STIM2: variants seen among roughly 807,000 people sequenced by gnomAD.
The protein encoded by STIM2 is stromal interaction molecule 2.
A neutral mutation model predicts 85.8 loss-of-function variants in STIM2; 31 were observed. The ratio of observed to expected loss-of-function variants is 0.36; its 90% CI spans 0.27 to 0.49. STIM2 has a LOEUF of 0.49. Ranked by LOEUF, STIM2 falls within the 20% of genes least tolerant of loss-of-function variation. The pLI is 0.98. For missense variants in STIM2, 841 were observed against 927.6 expected (o/e 0.91, Z 1.21); for synonymous variants, 356 against 331.1 (o/e 1.08, Z -0.82).
chr4:27,007,593 C>T lies in STIM2; in HGVS notation c.1042C>T (p.Pro348Ser), dbSNP rs778812591. ...TGAACTGAGAAGCAGTTGGTCTGTT[C>T]CAGATGCACTTCAGAAATGGCTTCA... Residue 348 changes from proline (P) to serine (S), a missense_variant, in exon 8 of 12, where the codon CCA becomes TCA. Pro to Ser is a moderately conservative substitution (Grantham distance 74). This residue lies in a region of STIM2 where 408 missense variants were observed against 525.4 expected (regional missense o/e 0.78). Coordinates refer to ENST00000467087, the MANE Select transcript of STIM2 (RefSeq NM_020860.4). The T allele has an allele frequency of 6.2e-7, 1 of 1,606,778 alleles. No homozygotes were observed. The highest frequency in any genetic ancestry group is 8.5e-7 in the Non-Finnish European group (1 of 1,177,192).
intron 1 of STIM2, among the ~76,000 whole-genome samples, chr4:26,879,943 C>A (rs1722942209): frequency 6.6e-6 from 1 of 152,184 alleles, no homozygotes; most frequent in Non-Finnish European, 1.5e-5. Context: ...GTCTGGGCTA[C>A]CATTCCCTCT....
chr4:27,007,020 A>G (rs891241303), intron 7 of STIM2, among the ~76,000 whole-genome samples: 1 of 152,248 alleles, frequency 6.6e-6, no homozygotes, highest in Non-Finnish European at 1.5e-5. Context: ...AAGTGAGTAT[A>G]TAGTGAAGGA....
intron 1 of STIM2, among the ~76,000 whole-genome samples, chr4:26,880,381 C>T (rs181579345): frequency 1.3e-4 from 19 of 151,976 alleles, no homozygotes; most frequent in Middle Eastern, 6.8e-3. Context: ...TAAACATACA[C>T]GGTATTTTGT....
At chr4:27,010,996 TA>T (rs1157937066) in intron 10 of STIM2, among the ~76,000 whole-genome samples, 1 of 152,150 alleles carries the variant, frequency 6.6e-6, no homozygotes, top group Non-Finnish European at 1.5e-5. Context: ...CACACACACT[TA>T]AAGTGACTGA....
At position 27,008,425 on chromosome 4, in the gene STIM2, T is replaced by C; in HGVS notation, c.1150-3T>C. On this transcript the variant is annotated splice_polypyrimidine_tract_variant and splice_region_variant and intron_variant, in intron 8 of 11. Transcript: ENST00000467087. ...GCCTTATTTAGTCCTTTTCGGTTTCTAGGCAGAAAAAATTAAAAAGAAGAG... is the reference window on the plus strand; with the variant it reads ...GCCTTATTTAGTCCTTTTCGGTTTCCAGGCAGAAAAAATTAAAAAGAAGAG... 1 of 1,574,742 alleles carries C rather than the reference T, an allele frequency of 6.4e-7. No individual in the cohort carries two copies. The highest frequency in any genetic ancestry group is 8.6e-7 in the Non-Finnish European group (1 of 1,163,548).
chr4:26,874,009 C>T, intron 1 of STIM2: 1 of 796,110 alleles, frequency 1.3e-6, no homozygotes, highest in Non-Finnish European at 2.2e-6. Flanking sequence ...TCCTGGCCTT[C>T]ACCTGAGTCT....
intron 3 of STIM2, among the ~76,000 whole-genome samples, chr4:26,986,167 A>G (rs1238524691): frequency 6.6e-6 from 1 of 152,196 alleles, no homozygotes; most frequent in Non-Finnish European, 1.5e-5. Context: ...ATAATATTAC[A>G]TCTGATACCT....
intron 3 of STIM2, among the ~76,000 whole-genome samples, chr4:26,970,630 A>T (rs1726910657): frequency 6.6e-6 from 1 of 152,032 alleles, no homozygotes; most frequent in African/African-American, 2.4e-5. Context: ...ACATTTTCTT[A>T]ATTCAGTCTA....
At chr4:26,944,419 A>T (rs757865381) in intron 2 of STIM2, among the ~76,000 whole-genome samples, 1 of 152,146 alleles carries the variant, frequency 6.6e-6, no homozygotes. Context: ...CTCACATGCT[A>T]GGAAGTATGC....
rs1265406826 is a variant in STIM2, at chr4:27,023,238, T to A, written c.*242T>A. The A allele has an allele frequency of 8.3e-6, 4 of 479,648 alleles. No homozygotes were observed. Among genetic ancestry groups the A allele is most frequent in the Non-Finnish European group, 7.5e-6 (2 of 267,468 alleles). 29.7% of individuals were successfully genotyped at this position (479,648 alleles called of 1,614,324 possible). Reference sequence around the variant, plus strand: ...GAAAAATCATTGAAATGAGACAGTTTACAGTCATTTCTGCCTATTTATTTC... The same window carrying A: ...GAAAAATCATTGAAATGAGACAGTTAACAGTCATTTCTGCCTATTTATTTC... On this transcript the variant is annotated 3_prime_UTR_variant, in exon 12 of 12. Coordinates refer to ENST00000467087, the MANE Select transcript of STIM2 (RefSeq NM_020860.4).
At chr4:26,929,230 A>G (rs1235384337) in intron 2 of STIM2, among the ~76,000 whole-genome samples, 1 of 152,206 alleles carries the variant, frequency 6.6e-6, no homozygotes, top group Non-Finnish European at 1.5e-5. Context: ...AGAAAACAAA[A>G]TTATGTATGT....
intron 1 of STIM2, among the ~76,000 whole-genome samples, chr4:26,880,157 T>C (rs540220170): frequency 6.6e-6 from 1 of 152,338 alleles, no homozygotes; most frequent in South Asian, 2.1e-4. Flanking sequence ...CATCTGTTTT[T>C]ACCATTTCCA....
intron 10 of STIM2, among the ~76,000 whole-genome samples, chr4:27,015,208 T>C (rs1409199629): frequency 6.6e-6 from 1 of 152,026 alleles, no homozygotes; most frequent in Non-Finnish European, 1.5e-5. Context: ...TGGTTTCTGT[T>C]TTTCACACCT....
intron 3 of STIM2, among the ~76,000 whole-genome samples, chr4:26,961,856 C>T (rs990281452): frequency 1.3e-4 from 20 of 152,056 alleles, no homozygotes; most frequent in African/African-American, 4.6e-4. Flanking sequence ...CCTCAAATTC[C>T]TGGGCTCAAG....
intron 3 of STIM2, among the ~76,000 whole-genome samples, chr4:26,962,918 C>T (rs575509605): frequency 6.6e-6 from 1 of 152,302 alleles, no homozygotes; most frequent in East Asian, 1.9e-4. Flanking sequence ...ATGAGGTAAT[C>T]TTTCCATCCT....
chr4:26,963,828 G>A (rs1170833872), intron 3 of STIM2, among the ~76,000 whole-genome samples: 1 of 152,222 alleles, frequency 6.6e-6, no homozygotes, highest in East Asian at 1.9e-4. Context: ...ATGTAAATGC[G>A]AAATCCTTCA....
At chr4:26,940,125 G>A (rs532616650) in intron 2 of STIM2, among the ~76,000 whole-genome samples, 1 of 152,280 alleles carries the variant, frequency 6.6e-6, no homozygotes, top group East Asian at 1.9e-4. Flanking sequence ...ACTAAAGCAA[G>A]CCCCTTGAGT....
chr4:26,939,289 T>C (rs1725510298), intron 2 of STIM2, among the ~76,000 whole-genome samples: 1 of 152,106 alleles, frequency 6.6e-6, no homozygotes, highest in African/African-American at 2.4e-5. Flanking sequence ...ATCTTGAGCT[T>C]GGCTGGAGGA....
chr4:26,962,126 A>G (rs964973985), intron 3 of STIM2, among the ~76,000 whole-genome samples: 3 of 152,220 alleles, frequency 2.0e-5, no homozygotes, highest in African/African-American at 7.2e-5. Context: ...GTAGGCTTTC[A>G]AACTATACAG....
Sources: gnomAD v4.1 joint callset for allele counts (sites outside exome capture counted in the v4.1 genomes callset) on GRCh38, gnomAD v4.1.1 for gene constraint, gnomAD v4.1.1 regional missense constraint, MANE v1.5 for transcripts, NCBI Gene and HGNC (gene_info 2026-07-23, HGNC 2026-07-21) for gene names.